Variants in CHL1 observed in about 807,000 individuals in gnomAD.
CHL1 encodes neural cell adhesion molecule L1-like protein.
In CHL1, 96 loss-of-function variants were observed where a neutral mutation model predicts 141.9. The observed-to-expected ratio is 0.68, with a 90% CI of 0.57 to 0.80. The LOEUF is 0.80. CHL1 is among the 30% of genes least tolerant of loss of function. The pLI is 0.00. For missense variants in CHL1, 1,820 were observed against 1,457.2 expected (o/e 1.25, Z -4.05); for synonymous variants, 613 against 502.2 (o/e 1.22, Z -2.95).
intron 2 of CHL1, among the ~76,000 whole-genome samples, chr3:306,217 T>A (rs1699215017): frequency 6.6e-6 from 1 of 152,148 alleles, no homozygotes; most frequent in South Asian, 2.1e-4. Flanking sequence ...TCTAATGCCA[T>A]CGTTGGAGCA....
chr3:202,330 C>G (rs1210135086), intron 1 of CHL1, among the ~76,000 whole-genome samples: 2 of 152,108 alleles, frequency 1.3e-5, no homozygotes, highest in African/African-American at 4.8e-5. Flanking sequence ...GTGTGTGTAT[C>G]CCTGTGTATG....
chr3:363,642 A>G (rs1428752296), intron 14 of CHL1: 6 of 319,366 alleles, frequency 1.9e-5, no homozygotes, highest in East Asian at 5.2e-5. Flanking sequence ...AATATTTAAA[A>G]ATTACCTATT....
intron 2 of CHL1, among the ~76,000 whole-genome samples, chr3:292,666 C>T (rs1261959947): frequency 6.6e-6 from 1 of 152,180 alleles, no homozygotes; most frequent in Non-Finnish European, 1.5e-5. Flanking sequence ...GCTCATGGTT[C>T]TGCAGTCTAC....
At chr3:324,986 A>C (rs2125063809) in intron 3 of CHL1, among the ~76,000 whole-genome samples, 1 of 152,094 alleles carries the variant, frequency 6.6e-6, no homozygotes, top group Non-Finnish European at 1.5e-5. Context: ...AATATGAAGA[A>C]TCTATTAATG....
chr3:287,637 AT>A (rs1300023664), intron 2 of CHL1, among the ~76,000 whole-genome samples: 3 of 152,208 alleles, frequency 2.0e-5, no homozygotes, highest in East Asian at 1.9e-4. Flanking sequence ...AACTAACTGG[AT>A]TTAGTAAGAT....
chr3:281,558 C>A (rs1381173349), intron 2 of CHL1, among the ~76,000 whole-genome samples: 2 of 133,052 alleles, frequency 1.5e-5, no homozygotes, highest in African/African-American at 6.1e-5. Flanking sequence ...CCAATTTGTA[C>A]CTTTTTTTTT....
At chr3:262,622 G>A (rs915538041) in intron 2 of CHL1, among the ~76,000 whole-genome samples, 2 of 152,156 alleles carry the variant, frequency 1.3e-5, no homozygotes, top group Non-Finnish European at 2.9e-5. Context: ...TGAGGTATCA[G>A]GAGAGGTATA....
chr3:240,343 A>G (rs1027024822), intron 1 of CHL1, among the ~76,000 whole-genome samples: 4 of 152,140 alleles, frequency 2.6e-5, no homozygotes, highest in African/African-American at 9.7e-5. Context: ...TTCCCTGATC[A>G]TTAGTGATGT....
intron 19 of CHL1, chr3:385,638 G>A (rs914538849): frequency 3.9e-5 from 6 of 152,100 alleles, no homozygotes; most frequent in African/African-American, 1.4e-4. Flanking sequence ...GACCAGCCTG[G>A]ACAATATGGT....
At chr3:358,645 A>G (rs1173613103) in intron 11 of CHL1, among the ~76,000 whole-genome samples, 1 of 152,076 alleles carries the variant, frequency 6.6e-6, no homozygotes, top group Non-Finnish European at 1.5e-5. Flanking sequence ...CTCTTTGGGC[A>G]GTGGGGACAC....
At chr3:342,354 T>C (rs1575115913) in intron 7 of CHL1, among the ~76,000 whole-genome samples, 1 of 152,184 alleles carries the variant, frequency 6.6e-6, no homozygotes, top group East Asian at 1.9e-4. Context: ...GGATGAAATA[T>C]ACAATGAAAT....
At chr3:288,929 A>G (rs930331545) in intron 2 of CHL1, among the ~76,000 whole-genome samples, 2 of 152,174 alleles carry the variant, frequency 1.3e-5, no homozygotes, top group Non-Finnish European at 2.9e-5. Flanking sequence ...ATTTTTTTCC[A>G]TCATGCCTTT....
chr3:225,228 G>A (rs1299986900), intron 1 of CHL1, among the ~76,000 whole-genome samples: 2 of 152,186 alleles, frequency 1.3e-5, no homozygotes, highest in Non-Finnish European at 2.9e-5. Flanking sequence ...ATTGCCCACT[G>A]AGTATGTAAC....
intron 13 of CHL1, among the ~76,000 whole-genome samples, chr3:362,711 A>G (rs1704400943): frequency 6.6e-6 from 1 of 152,120 alleles, no homozygotes; most frequent in Non-Finnish European, 1.5e-5. Flanking sequence ...GAAATGGCTG[A>G]ATGTTGGAGG....
rs370182239 is a variant in CHL1 at position 349,937 on chromosome 3, T to TTTTGCTTCCTAATCCTGCAA, written c.1033+396_1033+397insTGCTTCCTAATCCTGCAATT. 5.1e-3 allele frequency among the ~76,000 whole-genome samples: 775 copies of TTTTGCTTCCTAATCCTGCAA among 152,118 alleles called. 4 individuals carry two copies. The highest frequency in any genetic ancestry group is 0.017 in the African/African-American group (726 of 41,540). On this transcript the variant is annotated intron_variant, in intron 10 of 27. Coordinates refer to ENST00000256509, the MANE Select transcript of CHL1 (RefSeq NM_006614.4). Reference sequence around the variant, plus strand: ...AAATGAGCCTGGAAGAAAGCTTGGATTTAACTTGCTGTGCCCTTTGCCATT... The same window carrying TTTTGCTTCCTAATCCTGCAA: ...AAATGAGCCTGGAAGAAAGCTTGGATTTTGCTTCCTAATCCTGCAATTAACTTGCTGTGCCCTTTGCCATT...
At chr3:247,868 T>C (rs1307421037) in intron 2 of CHL1, 4 of 152,156 alleles carry the variant, frequency 2.6e-5, no homozygotes, top group Non-Finnish European at 5.9e-5. Flanking sequence ...ATCGAAGTTG[T>C]ATGCTCTTCA....
chr3:257,916 T>G (rs1368757947), intron 2 of CHL1, among the ~76,000 whole-genome samples: 1 of 152,178 alleles, frequency 6.6e-6, no homozygotes, highest in Non-Finnish European at 1.5e-5. Flanking sequence ...AATTTATTTG[T>G]TTTGTTAACA....
At chr3:203,354 G>A (rs895819260) in intron 1 of CHL1, among the ~76,000 whole-genome samples, 10 of 152,212 alleles carry the variant, frequency 6.6e-5, no homozygotes, top group Non-Finnish European at 1.2e-4. Context: ...TCACAGTATT[G>A]GACCTGAATG....
intron 15 of CHL1, among the ~76,000 whole-genome samples, chr3:367,184 G>A (rs1481882078): frequency 3.3e-5 from 5 of 152,224 alleles, no homozygotes; most frequent in Non-Finnish European, 7.3e-5. Flanking sequence ...ATATGAGAAA[G>A]TCAGCTTCGC....
Sources: gnomAD v4.1 joint callset for allele counts (sites outside exome capture counted in the v4.1 genomes callset) on GRCh38, gnomAD v4.1.1 for gene constraint, MANE v1.5 for transcripts, NCBI Gene and HGNC (gene_info 2026-07-23, HGNC 2026-07-21) for gene names.